The following PTPRT variants were observed in gnomAD, a reference collection of about 807,000 sequenced individuals.
PTPRT encodes the protein protein tyrosine phosphatase receptor type T.
Under a neutral mutation model 176.8 loss-of-function variants are expected in PTPRT, and 56 were observed. The ratio of observed to expected loss-of-function variants is 0.32; its 90% CI spans 0.26 to 0.40. The LOEUF is 0.40. Ranked by LOEUF, PTPRT falls within the 10% of genes least tolerant of loss-of-function variation. The pLI is 1.00. For synonymous variants in PTPRT, 783 were observed against 739.0 expected, an observed-to-expected ratio of 1.06 and a Z score of -0.96; for missense variants, 1,540 against 1,908.2, an observed-to-expected ratio of 0.81 and a Z score of 3.60.
intron 2 of PTPRT, among the ~76,000 whole-genome samples, chr20:42,837,630 C>G (rs1178488435): frequency 6.6e-6 from 1 of 152,190 alleles, no homozygotes. Context: ...ACTACATTAA[C>G]AGTATGTATT....
At chr20:42,133,503 A>G (rs560814589) in intron 18 of PTPRT, among the ~76,000 whole-genome samples, 2 of 152,342 alleles carry the variant, frequency 1.3e-5, no homozygotes, top group East Asian at 3.9e-4. Context: ...CTCTAGACAC[A>G]GGAGAAAGAT....
intron 2 of PTPRT, among the ~76,000 whole-genome samples, chr20:42,868,011 T>G (rs1392365996): frequency 6.6e-6 from 1 of 152,180 alleles, no homozygotes; most frequent in Non-Finnish European, 1.5e-5. Context: ...GGCATTTTGT[T>G]ACAGCAATAT....
chr20:42,124,869 TC>T (rs1403393781), intron 19 of PTPRT, among the ~76,000 whole-genome samples: 1 of 152,206 alleles, frequency 6.6e-6, no homozygotes, highest in Non-Finnish European at 1.5e-5. Context: ...TTCCCCTTTT[TC>T]CTTCCATGGT....
At chr20:42,155,933 C>T (rs1004038577) in intron 17 of PTPRT, among the ~76,000 whole-genome samples, 3 of 152,210 alleles carry the variant, frequency 2.0e-5, no homozygotes, top group African/African-American at 4.8e-5. Context: ...TTCTTGATTA[C>T]AATCCAAAGT....
chr20:42,203,774 G>A (rs1253160985), intron 15 of PTPRT, among the ~76,000 whole-genome samples: 2 of 152,156 alleles, frequency 1.3e-5, no homozygotes, highest in Admixed American at 6.5e-5. Context: ...TCACAAAGAC[G>A]ATGAACACCA....
chr20:42,758,575 T>C (rs966389566), intron 5 of PTPRT, among the ~76,000 whole-genome samples: 1 of 152,116 alleles, frequency 6.6e-6, no homozygotes, highest in African/African-American at 2.4e-5. Flanking sequence ...TTCTTCAAAC[T>C]TTCTGTCTCA....
chr20:42,418,786 C>T (rs1041466336), intron 9 of PTPRT, among the ~76,000 whole-genome samples: 7 of 152,086 alleles, frequency 4.6e-5, no homozygotes, highest in Non-Finnish European at 4.4e-5. Flanking sequence ...CAGCACATAC[C>T]CCAGTCTTGA....
intron 7 of PTPRT, among the ~76,000 whole-genome samples, chr20:42,569,091 T>C (rs1247077907): frequency 1.0e-5 from 1 of 96,968 alleles, no homozygotes; most frequent in Admixed American, 1.3e-4. Flanking sequence ...AATATATATA[T>C]ATATATATAT....
chr20:42,703,911 T>C (rs751596877), intron 6 of PTPRT, among the ~76,000 whole-genome samples: 23 of 152,188 alleles, frequency 1.5e-4, no homozygotes, highest in Non-Finnish European at 2.5e-4. Context: ...TGTTGGAAGC[T>C]GGCCCAACTT....
chr20:42,921,102 T>C (rs56050355), intron 1 of PTPRT, among the ~76,000 whole-genome samples: 5,994 of 152,212 alleles, frequency 0.039, 302 homozygotes, highest in African/African-American at 0.11. Flanking sequence ...ACTAACATTA[T>C]GAGTGATTCC....
intron 2 of PTPRT, among the ~76,000 whole-genome samples, chr20:42,881,105 A>G (rs2079004507): frequency 1.3e-5 from 2 of 152,202 alleles, no homozygotes; most frequent in Admixed American, 1.3e-4. Flanking sequence ...TTCCAGCCCC[A>G]GAGATTGCAA....
At chr20:43,068,696 G>C (rs762863301) in intron 1 of PTPRT, among the ~76,000 whole-genome samples, 14 of 152,092 alleles carry the variant, frequency 9.2e-5, no homozygotes, top group Non-Finnish European at 1.9e-4. Flanking sequence ...ATTGCCATGA[G>C]AGAAGAAAGG....
chr20:42,194,040 A>G (rs1260163858), intron 16 of PTPRT, among the ~76,000 whole-genome samples: 2 of 152,166 alleles, frequency 1.3e-5, no homozygotes. Context: ...TCATCTGTAG[A>G]ATGGGAATAA....
chr20:42,706,149 G>A (rs1174228295), intron 6 of PTPRT, among the ~76,000 whole-genome samples: 1 of 149,314 alleles, frequency 6.7e-6, no homozygotes, highest in African/African-American at 2.5e-5. Flanking sequence ...GTCTCTCTTT[G>A]TCTCTCTTTA....
intron 2 of PTPRT, among the ~76,000 whole-genome samples, chr20:42,828,534 C>T (rs1032617329): frequency 2.6e-5 from 4 of 152,136 alleles, no homozygotes. Flanking sequence ...ACGTGAAAGA[C>T]CTTCACAGTA....
intron 1 of PTPRT, among the ~76,000 whole-genome samples, chr20:42,979,976 C>T (rs1290043032): frequency 4.3e-5 from 1 of 23,468 alleles, no homozygotes; most frequent in Non-Finnish European, 7.6e-5. Flanking sequence ...AGTATGCCGG[C>T]CGGGAAGGGG....
chr20:42,398,145 C>CA (rs965033537), intron 9 of PTPRT, among the ~76,000 whole-genome samples: 25 of 150,280 alleles, frequency 1.7e-4, no homozygotes, highest in Admixed American at 4.0e-4. Context: ...GTCTGTTCCA[C>CA]AAAAAAAATT....
At chr20:42,049,186 G>C in the PTPRT span, among the ~76,000 whole-genome samples, 1 of 152,286 alleles carries the variant, frequency 6.6e-6, no homozygotes. Context: ...CTTTGAATTG[G>C]ACCTTTAACT....
Position 42,598,095 on chromosome 20 carries a change from T to C in PTPRT, c.1153+79771A>G, listed in dbSNP as rs557118347. Among the ~76,000 whole-genome samples the C allele has an allele frequency of 8.5e-5, 13 of 152,206 alleles. No individual in the cohort carries two copies. In the South Asian group the frequency reaches 2.3e-3, roughly 27 times the overall value. ...CAATATCCATAAAAATGAGTTCAAA[T>C]AATTTATGATATATGCACATGGCCT... is the stretch of plus-strand genomic sequence containing the variant. On this transcript the variant is annotated intron_variant, in intron 7 of 30. Coordinates refer to ENST00000373187, the MANE Select transcript of PTPRT (RefSeq NM_007050.6).
Sources: gnomAD v4.1 joint callset for allele counts (sites outside exome capture counted in the v4.1 genomes callset) on GRCh38, gnomAD v4.1.1 for gene constraint, MANE v1.5 for transcripts, NCBI Gene and HGNC (gene_info 2026-07-23, HGNC 2026-07-21) for gene names.